Variants in ARFGEF2 observed in about 807,000 individuals in gnomAD.
The protein encoded by ARFGEF2 is ARF guanine nucleotide exchange factor 2, also known as brefeldin A-inhibited guanine nucleotide-exchange protein 2.
Under a neutral mutation model 219.9 loss-of-function variants are expected in ARFGEF2, and 74 were observed. The observed-to-expected ratio is 0.34, with a 90% CI of 0.28 to 0.41. ARFGEF2 has a LOEUF of 0.41. Among genes scored for constraint, ARFGEF2 ranks in the 10% least tolerant of loss-of-function variants. The probability of loss-of-function intolerance (pLI) is 1.00; values close to 1 mark genes in which losing one functional copy is unlikely to be tolerated. For synonymous variants in ARFGEF2, 733 were observed against 799.2 expected, an observed-to-expected ratio of 0.92 and a Z score of 1.40; for missense variants, 1,743 against 2,218.3, an observed-to-expected ratio of 0.79 and a Z score of 4.30.
chr20:49,027,072 T>C (rs1402392743), intron 36 of ARFGEF2, among the ~76,000 whole-genome samples: 1 of 150,690 alleles, frequency 6.6e-6, no homozygotes, highest in African/African-American at 2.4e-5. Flanking sequence ...AATGTGTTCT[T>C]TTTTTTTTAT....
chr20:48,973,360 C>A, intron 12 of ARFGEF2, 76 bp downstream of exon 12: 1 of 1,475,184 alleles, frequency 6.8e-7, no homozygotes, highest in Non-Finnish European at 9.4e-7. Context: ...CCACCACATG[C>A]CAGGCACTGT....
chr20:48,957,392 A>G (rs543428097), intron 6 of ARFGEF2, among the ~76,000 whole-genome samples: 191 of 152,368 alleles, frequency 1.3e-3, no homozygotes, highest in Non-Finnish European at 2.4e-3. Context: ...AGTGTTCTCC[A>G]GCTGGCTAGG....
chr20:49,019,602 G>C (rs1488153071), intron 34 of ARFGEF2, among the ~76,000 whole-genome samples: 2 of 152,146 alleles, frequency 1.3e-5, no homozygotes, highest in Admixed American at 6.5e-5. Flanking sequence ...AAATGTACTG[G>C]AGTCAGTGGA....
intron 6 of ARFGEF2, among the ~76,000 whole-genome samples, chr20:48,956,229 A>G (rs756161111): frequency 2.5e-4 from 38 of 152,196 alleles, no homozygotes; most frequent in Admixed American, 3.9e-4. Flanking sequence ...CACATGGCCA[A>G]CCCTAACTGG....
In ARFGEF2 at chr20:48,971,111, C is replaced by G; in HGVS notation, c.1191-9C>G. 1 of 1,613,220 alleles carries G rather than the reference C, an allele frequency of 6.2e-7. No homozygotes were observed. Among genetic ancestry groups the G allele is most frequent in the Non-Finnish European group, 8.5e-7 (1 of 1,179,226 alleles). The stretch of plus-strand genomic sequence containing the variant: ...TAGCACTGTTGTGGTTTTTCATTTT[C>G]TTTGCCAGATCCCATGAGCTGCGTT... On this transcript the variant is annotated splice_polypyrimidine_tract_variant and intron_variant, in intron 9 of 38. Transcript: ENST00000371917.
chr20:48,936,770 G>A (rs1342923719), intron 1 of ARFGEF2, among the ~76,000 whole-genome samples: 1 of 152,130 alleles, frequency 6.6e-6, no homozygotes, highest in Non-Finnish European at 1.5e-5. Flanking sequence ...CAGGTGATCT[G>A]CCTGCCTGGG....
chr20:49,028,759 T>C, intron 37 of ARFGEF2, 91 bp downstream of exon 37: 1 of 1,436,480 alleles, frequency 7.0e-7, no homozygotes, highest in Non-Finnish European at 9.6e-7. Context: ...AAGAGAAAAA[T>C]ACATGCTGAC....
Position 48,994,463 on chromosome 20 carries a change from A to G in ARFGEF2, c.2986A>G (p.Ile996Val), listed in dbSNP as rs1016255824. 7 of 1,613,942 alleles carry G rather than the reference A, an allele frequency of 4.3e-6. No individual in the cohort carries two copies. The highest frequency in any genetic ancestry group is 1.7e-5 in the Admixed American group (1 of 59,994). ...TTCTTTCTCTTAGATCTTGAAATGC[A>G]TCAGCCAGCTGGAGCTCGCTCAGCT... ...GNSWHEILKCISQLELAQLIG... is the reference protein window; with the variant it reads ...GNSWHEILKCVSQLELAQLIG... The change falls in exon 22 of 39, where the codon ATC becomes GTC. Residue 996 changes from isoleucine (I) to valine (V), a missense_variant. Physicochemically the swap from Ile to Val is conservative, Grantham distance 29 (BLOSUM62 3). Coordinates refer to ENST00000371917, the MANE Select transcript of ARFGEF2 (RefSeq NM_006420.3).
At chr20:48,963,956 A>T in intron 7 of ARFGEF2, 58 bp downstream of exon 7, 1 of 1,544,706 alleles carries the variant, frequency 6.5e-7, no homozygotes, top group Non-Finnish European at 8.9e-7. Flanking sequence ...AAAAGTCCTC[A>T]GCAAAATATT....
rs1165645632 is a variant in ARFGEF2, at chr20:48,952,873, G to A, written c.592G>A (p.Glu198Lys). The change falls in exon 5 of 39, where the codon GAA (glutamate) becomes AAA (lysine). Residue 198 changes from glutamate to lysine, a missense_variant. Transcript: ENST00000371917. Reference protein sequence around the residue: ...QMLNVIFTRMENQVLQEAREL... With the variant: ...QMLNVIFTRMKNQVLQEAREL... ...GCTGAACGTCATTTTCACCCGCATG[G>A]AAAACCAAGTGGTGAGTGACAGCAC... is the stretch of plus-strand genomic sequence containing the variant. 6.2e-7 allele frequency: 1 copy of A among 1,614,248 alleles called. No homozygotes were observed. The highest frequency in any genetic ancestry group is 1.1e-5 in the South Asian group (1 of 91,086).
At chr20:48,947,317 T>C (rs955682703) in intron 3 of ARFGEF2, among the ~76,000 whole-genome samples, 1 of 152,058 alleles carries the variant, frequency 6.6e-6, no homozygotes, top group African/African-American at 2.4e-5. Flanking sequence ...GGAGAATCAC[T>C]TGAACCCAGG....
chr20:49,030,184 C>T (rs1019629439), intron 37 of ARFGEF2, among the ~76,000 whole-genome samples: 1 of 151,962 alleles, frequency 6.6e-6, no homozygotes, highest in African/African-American at 2.4e-5. Context: ...CAGGGATGGG[C>T]GTGAGCCACT....
chr20:48,944,583 C>G (rs2091014793), intron 3 of ARFGEF2, among the ~76,000 whole-genome samples: 1 of 152,192 alleles, frequency 6.6e-6, no homozygotes, highest in African/African-American at 2.4e-5. Flanking sequence ...ACCTCAGCCT[C>G]TCAAGTAGCT....
At chr20:48,951,554 A>C (rs560457763) in intron 4 of ARFGEF2, 85 bp downstream of exon 4, 2 of 1,574,984 alleles carry the variant, frequency 1.3e-6, no homozygotes. Context: ...ACTATGTGTT[A>C]GTTGTCTCAG....
chr20:48,938,017 G>C (rs2090970068), intron 1 of ARFGEF2, among the ~76,000 whole-genome samples: 1 of 152,232 alleles, frequency 6.6e-6, no homozygotes, highest in African/African-American at 2.4e-5. Flanking sequence ...ATGGTTTACA[G>C]AGTAATTCCA....
At chr20:48,946,682 T>C (rs934410888) in intron 3 of ARFGEF2, among the ~76,000 whole-genome samples, 3 of 151,552 alleles carry the variant, frequency 2.0e-5, no homozygotes, top group African/African-American at 7.3e-5. Context: ...AATTTTTCTA[T>C]TTTTTGTAAA....
At position 49,021,738 on chromosome 20, in the gene ARFGEF2, A is replaced by G. The variant is rs1013428145; in HGVS notation, c.4625-1313A>G. On this transcript the variant is annotated intron_variant, in intron 34 of 38. Transcript: ENST00000371917. ...GTGCCGGGTGCCTGTAGTCCCAGCT[A>G]CTTGGGAGGAGGCAGGAGAATTGCT... 2.5e-4 allele frequency among the ~76,000 whole-genome samples: 38 copies of G among 151,744 alleles called. 2 individuals carry two copies. The highest frequency in any genetic ancestry group is 2.2e-3 in the Admixed American group (34 of 15,180).
In ARFGEF2 at chr20:48,989,825, C is replaced by T. The variant is rs182190503; in HGVS notation, c.2814+141C>T. On this transcript the variant is annotated intron_variant, in intron 20 of 38. Transcript: ENST00000371917. ...TACTTATGCCTACTGACAAGAAATC[C>T]GTAGCTTTGTGATGACAGCTCGTTA... 9.5e-5 allele frequency: 124 copies of T among 1,311,780 alleles called. No homozygotes were observed. The Middle Eastern group carries it at 9.9e-4, about 10-fold the overall frequency. The allele number at this position is 1,311,780 out of a possible 1,614,324, so 81.3% of individuals were successfully genotyped here. A position where few individuals can be genotyped will look rare whatever the true frequency, so the allele number is the denominator to read the frequency against.
At chr20:48,986,675 G>A (rs945721980) in intron 16 of ARFGEF2, among the ~76,000 whole-genome samples, 2 of 152,044 alleles carry the variant, frequency 1.3e-5, no homozygotes, top group Admixed American at 6.6e-5. Flanking sequence ...TGAATATGCT[G>A]TGACCATGAT....
Sources: allele counts gnomAD v4.1 joint callset (sites outside exome capture counted in the v4.1 genomes callset), GRCh38; gene constraint gnomAD v4.1.1; transcripts MANE v1.5; gene names NCBI Gene and HGNC (gene_info 2026-07-23, HGNC 2026-07-21).